Variants in MFSD11 observed in about 807,000 individuals in gnomAD.
The protein encoded by MFSD11 is UNC93-like protein MFSD11.
Under a neutral mutation model 53.5 loss-of-function variants are expected in MFSD11, and 36 were observed. The observed-to-expected ratio is 0.67, with a 90% CI of 0.52 to 0.89. The LOEUF is 0.89. Among genes scored for constraint, MFSD11 ranks in the 40% least tolerant of loss-of-function variants. MFSD11 has a pLI of 0.00. For missense variants in MFSD11, 530 were observed against 543.9 expected (o/e 0.97, Z 0.25); for synonymous variants, 186 against 184.9 (o/e 1.01, Z -0.05).
At chr17:76,749,619 C>T (rs1337577209) in intron 7 of MFSD11, among the ~76,000 whole-genome samples, 3 of 151,628 alleles carry the variant, frequency 2.0e-5, no homozygotes, top group East Asian at 1.9e-4. Context: ...AGGCTGGGCA[C>T]GGTGACTTAA....
chr17:76,737,560 C>T (rs1184025068), upstream of MFSD11: 1 of 251,532 alleles, frequency 4.0e-6, no homozygotes, highest in Non-Finnish European at 7.7e-6. Flanking sequence ...AGTTGGAAAG[C>T]CCGCGAAACG....
chr17:76,791,323 CTTTCTT>C, the MFSD11 span, among the ~76,000 whole-genome samples: 1 of 149,216 alleles, frequency 6.7e-6, no homozygotes, highest in African/African-American at 2.5e-5. Context: ...CACAGGTCCT[CTTTCTT>C]TTACTTCCTG....
At chr17:76,741,713 A>G (rs575109215) in intron 3 of MFSD11, among the ~76,000 whole-genome samples, 5 of 152,170 alleles carry the variant, frequency 3.3e-5, no homozygotes, top group Non-Finnish European at 7.4e-5. Context: ...GCTTGAGCCC[A>G]GGAGGTGGAG....
In MFSD11 at chr17:76,778,896, T is replaced by C. The variant is rs2082062560; in HGVS notation, c.*544T>C. 1 of 154,864 alleles carries C rather than the reference T, an allele frequency of 6.5e-6. No individual in the cohort carries two copies. Among genetic ancestry groups the C allele is most frequent in the African/African-American group, 2.4e-5 (1 of 41,460 alleles). The allele number at this position is 154,864 out of a possible 1,614,324, so 9.6% of individuals were successfully genotyped here. A position where few individuals can be genotyped will look rare whatever the true frequency, so the allele number is the denominator to read the frequency against. On this transcript the variant is annotated 3_prime_UTR_variant, in exon 13 of 13. Coordinates refer to ENST00000685175, the MANE Select transcript of MFSD11 (RefSeq NM_001242532.5). The stretch of plus-strand genomic sequence containing the variant: ...TCACTTCAGCCCAGGAGATTGAGGC[T>C]GCGGTGAGCTATGATCACACCACTG...
intron 2 of MFSD11, among the ~76,000 whole-genome samples, chr17:76,740,431 C>T (rs182877707): frequency 2.6e-5 from 4 of 152,130 alleles, no homozygotes; most frequent in Non-Finnish European, 4.4e-5. Flanking sequence ...TGTAGCTCTG[C>T]GCTTGTTATT....
In MFSD11 at chr17:76,776,085, T is replaced by G. The variant is rs1422156635; in HGVS notation, c.1050-321T>G. On this transcript the variant is annotated intron_variant, in intron 11 of 12. Transcript: ENST00000685175. This position sits in a 1 kb window ranked among gnomAD's most constrained non-coding sequence, Gnocchi z 4.2. ...CCTCCACCTCCGGGGTTCAAGTGATTCTCGTGTCTCAGCCTCCCGAGTAGC... is the reference window on the plus strand; with the variant it reads ...CCTCCACCTCCGGGGTTCAAGTGATGCTCGTGTCTCAGCCTCCCGAGTAGC... Among the ~76,000 whole-genome samples the G allele has an allele frequency of 6.6e-6, 1 of 152,210 alleles. No individual in the cohort carries two copies. Among genetic ancestry groups the G allele is most frequent in the Non-Finnish European group, 1.5e-5 (1 of 68,036 alleles).
chr17:76,749,242 C>T (rs1487321161), intron 7 of MFSD11, among the ~76,000 whole-genome samples: 1 of 152,096 alleles, frequency 6.6e-6, no homozygotes. Flanking sequence ...CATGCTTGGC[C>T]TGTGGTTCCT....
chr17:76,757,684 T>A (rs7212157), intron 8 of MFSD11, among the ~76,000 whole-genome samples: 10,626 of 152,244 alleles, frequency 0.07, 1,180 homozygotes, highest in African/African-American at 0.23. Context: ...GCTAAAGTTC[T>A]TCTACTAGGA....
Position 76,776,663 on chromosome 17 carries a change from T to A in MFSD11, c.1185+122T>A. The A allele has an allele frequency of 3.1e-6, 3 of 968,472 alleles. No individual in the cohort carries two copies. Among genetic ancestry groups the A allele is most frequent in the Non-Finnish European group, 4.3e-6 (3 of 703,944 alleles). 60.0% of individuals were successfully genotyped at this position (968,472 alleles called of 1,614,324 possible). On this transcript the variant is annotated intron_variant, in intron 12 of 12. Transcript: ENST00000685175. This position sits in a 1 kb window ranked among gnomAD's most constrained non-coding sequence, Gnocchi z 4.2. ...TATTTATTTATTTTTATTTTTTTGA[T>A]AGAGTCTCTCTCTGTCACTCAGGCT...
chr17:76,745,630 TG>T (rs900832248), intron 7 of MFSD11, among the ~76,000 whole-genome samples: 5 of 152,136 alleles, frequency 3.3e-5, no homozygotes, highest in African/African-American at 1.2e-4. Context: ...CCATATAAGG[TG>T]GTGAACTTAA....
chr17:76,776,580 T>G lies in MFSD11; in HGVS notation c.1185+39T>G. 1 of 1,589,320 alleles carries G rather than the reference T, an allele frequency of 6.3e-7. No individual in the cohort carries two copies. Among genetic ancestry groups the G allele is most frequent in the Non-Finnish European group, 8.6e-7 (1 of 1,168,536 alleles). ...ATTGTGATTGTGTTTGACATAGGGC[T>G]CTTCCCTTTGTGTATTGCCTTGTTT... On this transcript the variant is annotated intron_variant, in intron 12 of 12. Transcript: ENST00000685175. The surrounding 1 kb of genome is among the most constrained non-coding windows in gnomAD (Gnocchi z 4.2).
Position 76,742,209 on chromosome 17 carries a change from A to G in MFSD11, c.373A>G (p.Ile125Val), listed in dbSNP as rs757751411. The change falls in exon 5 of 13, where the codon ATC becomes GTC. Residue 125 changes from isoleucine to valine, a missense_variant. Physicochemically the swap from Ile to Val is conservative, Grantham distance 29. Transcript: ENST00000685175. ...LWTAQGNCLT[I>V]NSDEHSIGRN... is the part of the protein sequence containing the mutation. ...GACAGCACAAGGAAACTGCCTGACA[A>G]TCAATTCGGATGAGCACAGCATTGG... The G allele has an allele frequency of 3.7e-6, 6 of 1,614,168 alleles. No homozygotes were observed. The highest frequency in any genetic ancestry group is 1.1e-5 in the South Asian group (1 of 91,082).
upstream of MFSD11, chr17:76,736,735 T>C: frequency 7.2e-7 from 1 of 1,384,654 alleles, no homozygotes; most frequent in Non-Finnish European, 9.3e-7. Context: ...CGGACCTTTG[T>C]GAGGTCGCCC....
At chr17:76,762,127 C>T (rs2080318191) in intron 8 of MFSD11, among the ~76,000 whole-genome samples, 1 of 152,118 alleles carries the variant, frequency 6.6e-6, no homozygotes, top group Admixed American at 6.6e-5. Context: ...CAACTTTCTC[C>T]CCTTTCACTA....
At chr17:76,737,162 G>C (rs370907629), upstream of MFSD11, 2 of 1,561,052 alleles carry the variant, frequency 1.3e-6, no homozygotes. Flanking sequence ...GTAGCTCATA[G>C]CTCTGAGTGG....
the MFSD11 span, among the ~76,000 whole-genome samples, chr17:76,800,713 C>A: frequency 7.9e-5 from 12 of 152,220 alleles, no homozygotes; most frequent in Admixed American, 5.9e-4. Flanking sequence ...AGTAAAATAA[C>A]CTTAAGATGT....
rs1206484557 is a variant in MFSD11, at chr17:76,751,251, G to A, written c.642-2796G>A. Among the ~76,000 whole-genome samples, 6 of 151,746 alleles carry A rather than the reference G, an allele frequency of 4.0e-5. No homozygotes were observed. The South Asian group carries it at 8.3e-4, about 21-fold the overall frequency. On this transcript the variant is annotated intron_variant, in intron 7 of 12. Transcript: ENST00000685175. ...AAAAATACAAAAAAATTAGCCAGGC[G>A]TAGTGGCAGGCGCCTGTAGTCCCAG...
intron 7 of MFSD11, among the ~76,000 whole-genome samples, chr17:76,751,698 CAAA>C (rs760998250): frequency 1.5e-5 from 1 of 67,150 alleles, no homozygotes; most frequent in Non-Finnish European, 3.1e-5. Context: ...GACTCGGTCT[CAAA>C]AAAAAAAAAA....
rs192244498 is a variant in MFSD11, at chr17:76,750,577, C to T, written c.642-3470C>T. Among the ~76,000 whole-genome samples the T allele has an allele frequency of 6.6e-5, 10 of 151,916 alleles. No individual in the cohort carries two copies. In the East Asian group the frequency reaches 1.4e-3, roughly 21 times the overall value. On this transcript the variant is annotated intron_variant, in intron 7 of 12. Coordinates refer to ENST00000685175, the MANE Select transcript of MFSD11 (RefSeq NM_001242532.5). ...TTCACTGTGTTAGCCAGGATGGTCTCGATCTCCTGACCTCGTGATCCGCCC... is the reference window on the plus strand; with the variant it reads ...TTCACTGTGTTAGCCAGGATGGTCTTGATCTCCTGACCTCGTGATCCGCCC...
Sources: gnomAD v4.1 joint callset for allele counts (sites outside exome capture counted in the v4.1 genomes callset) on GRCh38, gnomAD v4.1.1 for gene constraint, Gnocchi (gnomAD v3.1) non-coding constraint, MANE v1.5 for transcripts, NCBI Gene and HGNC (gene_info 2026-07-23, HGNC 2026-07-21) for gene names.